HCN1: variants seen among roughly 807,000 people sequenced by gnomAD.
HCN1 encodes the protein hyperpolarization activated cyclic nucleotide gated potassium channel 1.
HCN1 carries 13 observed loss-of-function variants against 78.9 expected under a neutral mutation model. The ratio of observed to expected loss-of-function variants is 0.16; its 90% CI spans 0.11 to 0.26. The LOEUF (loss-of-function observed/expected upper bound fraction) is 0.26, where lower values mean the gene tolerates loss of function less well. Among genes scored for constraint, HCN1 ranks in the 10% least tolerant of loss-of-function variants. The pLI is 1.00. For missense variants in HCN1, 810 were observed against 1,154.3 expected, an observed-to-expected ratio of 0.70 and a Z score of 4.32; for synonymous variants, 552 against 455.5, an observed-to-expected ratio of 1.21 and a Z score of -2.70.
At chr5:45,326,419 T>C (rs1382246022) in intron 5 of HCN1, among the ~76,000 whole-genome samples, 1 of 151,646 alleles carries the variant, frequency 6.6e-6, no homozygotes, top group Non-Finnish European at 1.5e-5. Context: ...AATTGTGACA[T>C]AACCCACATT....
In HCN1 at chr5:45,558,164, G is replaced by A. The variant is rs1449212786; in HGVS notation, c.849+87021C>T. The A allele has an allele frequency of 4.0e-5, 6 of 150,344 alleles. No homozygotes were observed. The South Asian group carries it at 1.0e-3, about 26-fold the overall frequency. The allele number at this position is 150,344 out of a possible 1,614,324, so 9.3% of individuals were successfully genotyped here. A position where few individuals can be genotyped will look rare whatever the true frequency, so the allele number is the denominator to read the frequency against. ...AAAAAAAAAGAGAGAGAGAGAGAGA[G>A]AAACAGTCATATTTCTGATATGGAG... is the stretch of plus-strand genomic sequence containing the variant. On this transcript the variant is annotated intron_variant, in intron 2 of 7. Transcript: ENST00000303230.
rs764520573 is a variant in HCN1, at chr5:45,262,677, G to C, written c.1917C>G (p.Ile639Met). The change falls in exon 8 of 8, where the codon ATC becomes ATG. Residue 639 changes from isoleucine (I) to methionine (M), a missense_variant. Coordinates refer to ENST00000303230, the MANE Select transcript of HCN1 (RefSeq NM_021072.4). ...TCAGGGTTGTCATTTGAGGATAATT[G>C]ATGGGAGCGATTGCCTGCACCATCT... ...DREMVQAIAP[I>M]NYPQMTTLNS... 3.0e-5 allele frequency: 49 copies of C among 1,613,978 alleles called. 2 individuals are homozygous for C. The South Asian group carries it at 5.3e-4, about 17-fold the overall frequency.
At chr5:45,638,105 T>C (rs1213367781) in intron 2 of HCN1, among the ~76,000 whole-genome samples, 1 of 152,046 alleles carries the variant, frequency 6.6e-6, no homozygotes, top group Non-Finnish European at 1.5e-5. Flanking sequence ...GTAGAATCAG[T>C]AGGACTTGGT....
At chr5:45,558,523 G>A (rs1196650581) in intron 2 of HCN1, 5 of 152,052 alleles carry the variant, frequency 3.3e-5, no homozygotes, top group Non-Finnish European at 5.9e-5. Context: ...TTGAAATATT[G>A]GAAAAATATG....
At chr5:45,681,160 A>G (rs530744771) in intron 1 of HCN1, among the ~76,000 whole-genome samples, 44 of 152,206 alleles carry the variant, frequency 2.9e-4, no homozygotes, top group African/African-American at 9.9e-4. Context: ...AGTCTCCCAT[A>G]TTCTCAGCTT....
At chr5:45,457,204 A>G (rs1226347966) in intron 3 of HCN1, among the ~76,000 whole-genome samples, 1 of 152,094 alleles carries the variant, frequency 6.6e-6, no homozygotes, top group African/African-American at 2.4e-5. Flanking sequence ...CCTAGGTTAC[A>G]TCCGATATTT....
At chr5:45,382,830 A>G (rs1747835933) in intron 4 of HCN1, among the ~76,000 whole-genome samples, 1 of 152,188 alleles carries the variant, frequency 6.6e-6, no homozygotes, top group Non-Finnish European at 1.5e-5. Flanking sequence ...TGATGAATAC[A>G]CCCAATTCTT....
At chr5:45,634,601 T>C (rs1274107098) in intron 2 of HCN1, among the ~76,000 whole-genome samples, 1 of 151,958 alleles carries the variant, frequency 6.6e-6, no homozygotes, top group Non-Finnish European at 1.5e-5. Context: ...CTTCAATAAC[T>C]CTTTCCCAAC....
intron 2 of HCN1, among the ~76,000 whole-genome samples, chr5:45,562,394 G>A (rs1392402955): frequency 6.6e-6 from 1 of 152,042 alleles, no homozygotes; most frequent in African/African-American, 2.4e-5. Context: ...AATTCTAGCT[G>A]GGTGCAGTGG....
At chr5:45,583,164 T>C (rs1254725431) in intron 2 of HCN1, among the ~76,000 whole-genome samples, 1 of 152,112 alleles carries the variant, frequency 6.6e-6, no homozygotes, top group Non-Finnish European at 1.5e-5. Context: ...CTGGACTTTA[T>C]TTGGTTGGTA....
intron 3 of HCN1, among the ~76,000 whole-genome samples, chr5:45,422,892 G>A (rs1740256721): frequency 6.6e-6 from 1 of 152,108 alleles, no homozygotes; most frequent in Non-Finnish European, 1.5e-5. Context: ...AGGGTAGTAG[G>A]GAGTGGGGGA....
At chr5:45,509,756 A>G (rs1194777790) in intron 2 of HCN1, among the ~76,000 whole-genome samples, 1 of 152,124 alleles carries the variant, frequency 6.6e-6, no homozygotes, top group African/African-American at 2.4e-5. Context: ...TTTCACTATA[A>G]CAAGATGCAA....
At chr5:45,499,293 C>A (rs565355399) in intron 2 of HCN1, among the ~76,000 whole-genome samples, 13 of 152,150 alleles carry the variant, frequency 8.5e-5, no homozygotes, top group Non-Finnish European at 1.9e-4. Flanking sequence ...TCTCCTGGTG[C>A]GCCGTTTTTT....
intron 1 of HCN1, among the ~76,000 whole-genome samples, chr5:45,659,611 G>C (rs1362464028): frequency 1.4e-5 from 2 of 145,876 alleles, no homozygotes; most frequent in South Asian, 2.2e-4. Context: ...GTGCTTAAAG[G>C]AGCTGATGGA....
intron 3 of HCN1, among the ~76,000 whole-genome samples, chr5:45,443,072 G>A (rs552816649): frequency 6.6e-6 from 1 of 151,932 alleles, no homozygotes; most frequent in Non-Finnish European, 1.5e-5. Flanking sequence ...TTTTGCCTTC[G>A]AAAGTTGGTG....
intron 6 of HCN1, among the ~76,000 whole-genome samples, chr5:45,286,502 A>C (rs1185619616): frequency 6.6e-6 from 1 of 152,000 alleles, no homozygotes; most frequent in East Asian, 1.9e-4. Flanking sequence ...CTGCATTGTA[A>C]AATGAATGCA....
intron 6 of HCN1, 82 bp downstream of exon 6, chr5:45,303,517 A>G (rs1745669706): frequency 2.1e-6 from 3 of 1,440,190 alleles, no homozygotes; most frequent in Middle Eastern, 1.8e-4. Context: ...CAAAAAACTG[A>G]CATGCTGACA....
chr5:45,587,027 C>T (rs1744243984), intron 2 of HCN1, among the ~76,000 whole-genome samples: 1 of 151,992 alleles, frequency 6.6e-6, no homozygotes, highest in Non-Finnish European at 1.5e-5. Context: ...CAGATCAATG[C>T]TTCTAAAAAA....
At chr5:45,587,382 A>C (rs1744253639) in intron 2 of HCN1, among the ~76,000 whole-genome samples, 1 of 152,194 alleles carries the variant, frequency 6.6e-6, no homozygotes, top group Admixed American at 6.5e-5. Context: ...AAAAAGGATG[A>C]GTTCTTGTCC....
Sources: gnomAD v4.1 joint callset for allele counts (sites outside exome capture counted in the v4.1 genomes callset) on GRCh38, gnomAD v4.1.1 for gene constraint, MANE v1.5 for transcripts, NCBI Gene and HGNC (gene_info 2026-07-23, HGNC 2026-07-21) for gene names.